The following AXDND1 variants were observed in gnomAD, a reference collection of about 807,000 sequenced individuals.
AXDND1 encodes axonemal dynein light chain domain containing 1, also known as axonemal dynein light chain domain-containing protein 1.
In AXDND1, 110 loss-of-function variants were observed where a neutral mutation model predicts 137.5. The observed-to-expected ratio is 0.80, with a 90% CI of 0.69 to 0.94. The LOEUF (loss-of-function observed/expected upper bound fraction) is 0.94. AXDND1 is among the 40% of genes least tolerant of loss of function. AXDND1 has a pLI of 0.00. For missense variants in AXDND1, 1,191 were observed against 1,169.8 expected (o/e 1.02, Z -0.26); for synonymous variants, 414 against 399.7 (o/e 1.04, Z -0.43).
chr1:179,525,838 A>G (rs531613450), intron 22 of AXDND1, among the ~76,000 whole-genome samples: 11 of 152,158 alleles, frequency 7.2e-5, no homozygotes, highest in African/African-American at 2.6e-4. Context: ...GGGGAAAATT[A>G]TAGACACACA....
intron 11 of AXDND1, among the ~76,000 whole-genome samples, chr1:179,405,575 T>G (rs1652831827): frequency 6.6e-6 from 1 of 152,170 alleles, no homozygotes. Flanking sequence ...TACTCATTAT[T>G]GGTCTGTTCA....
intron 6 of AXDND1, among the ~76,000 whole-genome samples, chr1:179,381,467 C>A (rs1468825798): frequency 6.6e-6 from 1 of 151,718 alleles, no homozygotes. Flanking sequence ...CCTCAGCCTC[C>A]CGAGTAGCTG....
chr1:179,552,675 A>G lies in AXDND1; in HGVS notation c.3032-1837A>G, dbSNP rs759106173. 1.2e-6 allele frequency: 2 copies of G among 1,613,718 alleles called. No homozygotes were observed. Among genetic ancestry groups the G allele is most frequent in the Non-Finnish European group, 8.5e-7 (1 of 1,179,740 alleles). ...GCTGAAGCCCAGCTGGCAACCTCAC[A>G]TCTTTACTGAAAAAGAAAGAATGCA... On this transcript the variant is annotated intron_variant, in intron 25 of 25. Coordinates refer to ENST00000367618, the MANE Select transcript of AXDND1 (RefSeq NM_144696.6).
chr1:179,487,831 A>G (rs1464172035), intron 18 of AXDND1, among the ~76,000 whole-genome samples: 2 of 147,676 alleles, frequency 1.4e-5, no homozygotes, highest in Admixed American at 1.3e-4. Context: ...ACTCATCTCT[A>G]CAAAAAATAA....
chr1:179,377,179 C>T (rs1474327737), intron 4 of AXDND1, among the ~76,000 whole-genome samples: 2 of 152,104 alleles, frequency 1.3e-5, no homozygotes. Context: ...TGATCTGCCC[C>T]CTTCAGCCTC....
chr1:179,385,159 C>A (rs937660380), intron 8 of AXDND1, 79 bp from the exon 9 acceptor site: 87 of 1,199,052 alleles, frequency 7.3e-5, no homozygotes, highest in Middle Eastern at 4.7e-4. Context: ...AACTTATTTA[C>A]ATTCAAGGTA....
intron 16 of AXDND1, among the ~76,000 whole-genome samples, chr1:179,462,551 C>T (rs1233023901): frequency 3.3e-5 from 5 of 152,126 alleles, no homozygotes; most frequent in African/African-American, 1.2e-4. Flanking sequence ...CAGGATGATT[C>T]TGGCCTCATA....
chr1:179,427,657 A>G (rs1656768275), intron 12 of AXDND1, among the ~76,000 whole-genome samples: 1 of 152,198 alleles, frequency 6.6e-6, no homozygotes, highest in African/African-American at 2.4e-5. Context: ...TTAAAAAAGA[A>G]TCAGCAATTA....
At chr1:179,418,661 T>G (rs79823530) in intron 12 of AXDND1, among the ~76,000 whole-genome samples, 6 of 146,690 alleles carry the variant, frequency 4.1e-5, no homozygotes, top group South Asian at 2.2e-4. Context: ...GCTGGCCGGG[T>G]GGGGGGCCGA....
intron 17 of AXDND1, 120 bp from the exon 18 acceptor site, chr1:179,483,008 G>T: frequency 3.5e-6 from 2 of 568,484 alleles, no homozygotes; most frequent in South Asian, 3.2e-5. Context: ...CAGTTCTCAA[G>T]CAGTTGTCAA....
chr1:179,384,155 C>G (rs1431858143), intron 8 of AXDND1, among the ~76,000 whole-genome samples: 1 of 152,170 alleles, frequency 6.6e-6, no homozygotes, highest in African/African-American at 2.4e-5. Flanking sequence ...TGGAAACTTA[C>G]AGAAAAAGTT....
At chr1:179,507,009 C>T (rs1668604446) in intron 20 of AXDND1, 1 of 607,696 alleles carries the variant, frequency 1.6e-6, no homozygotes, top group Non-Finnish European at 2.1e-6. Flanking sequence ...TAGCCAGTGT[C>T]TTACTGCTGG....
intron 18 of AXDND1, among the ~76,000 whole-genome samples, chr1:179,484,841 G>A (rs1222258211): frequency 6.6e-6 from 1 of 152,212 alleles, no homozygotes; most frequent in Non-Finnish European, 1.5e-5. Flanking sequence ...TATGCAAGGA[G>A]ACCAGTGGCC....
At chr1:179,501,698 A>G (rs1668014695) in intron 20 of AXDND1, among the ~76,000 whole-genome samples, 1 of 152,170 alleles carries the variant, frequency 6.6e-6, no homozygotes, top group Non-Finnish European at 1.5e-5. Context: ...CGACAGAGTG[A>G]GACTGTGTCT....
chr1:179,392,893 T>G (rs1650416810), intron 9 of AXDND1, among the ~76,000 whole-genome samples: 1 of 152,210 alleles, frequency 6.6e-6, no homozygotes, highest in South Asian at 2.1e-4. Context: ...GTGCATAGTT[T>G]ATGAATATTT....
intron 17 of AXDND1, among the ~76,000 whole-genome samples, chr1:179,474,265 G>T (rs11808007): frequency 0.063 from 9,540 of 151,870 alleles, 355 homozygotes; most frequent in African/African-American, 0.07. Flanking sequence ...TTTTATAGCA[G>T]TGTGAGAATG....
chr1:179,411,422 G>A (rs915099244), intron 12 of AXDND1, among the ~76,000 whole-genome samples, 156 bp downstream of exon 12: 7 of 152,242 alleles, frequency 4.6e-5, no homozygotes, highest in African/African-American at 1.7e-4. Context: ...TCGGCTCACT[G>A]CAACCTCTGA....
chr1:179,537,588 G>T (rs1671678147), intron 25 of AXDND1, among the ~76,000 whole-genome samples: 1 of 152,124 alleles, frequency 6.6e-6, no homozygotes, highest in Admixed American at 6.5e-5. Flanking sequence ...TGCTGGATTT[G>T]GTTTGCCAGT....
chr1:179,507,954 A>C (rs1256790957), intron 20 of AXDND1, among the ~76,000 whole-genome samples: 1 of 152,210 alleles, frequency 6.6e-6, no homozygotes, highest in Non-Finnish European at 1.5e-5. Flanking sequence ...GACATTAACA[A>C]AGCTGTAGTA....
Sources: gnomAD v4.1 joint callset for allele counts (sites outside exome capture counted in the v4.1 genomes callset) on GRCh38, gnomAD v4.1.1 for gene constraint, MANE v1.5 for transcripts, NCBI Gene and HGNC (gene_info 2026-07-23, HGNC 2026-07-21) for gene names.